CDH13: variants seen among roughly 807,000 people sequenced by gnomAD.
The protein encoded by CDH13 is cadherin 13.
Under a neutral mutation model 63.8 loss-of-function variants are expected in CDH13, and 24 were observed. The observed-to-expected ratio is 0.38, with a 90% CI of 0.27 to 0.53. CDH13 has a LOEUF of 0.53. Ranked by LOEUF, CDH13 falls within the 20% of genes least tolerant of loss-of-function variation. The probability of loss-of-function intolerance (pLI) is 0.85; values close to 1 mark genes in which losing one functional copy is unlikely to be tolerated. For synonymous variants in CDH13, 503 were observed against 355.3 expected, an observed-to-expected ratio of 1.42 and a Z score of -4.67; for missense variants, 1,049 against 903.1, an observed-to-expected ratio of 1.16 and a Z score of -2.07.
At chr16:83,627,484 T>C (rs1910417239) in intron 8 of CDH13, among the ~76,000 whole-genome samples, 1 of 152,226 alleles carries the variant, frequency 6.6e-6, no homozygotes, top group South Asian at 2.1e-4. Flanking sequence ...GACTTTTATC[T>C]TTCCTCATCT....
At chr16:82,721,408 G>A (rs2032761918) in intron 1 of CDH13, among the ~76,000 whole-genome samples, 1 of 152,164 alleles carries the variant, frequency 6.6e-6, no homozygotes, top group Non-Finnish European at 1.5e-5. Context: ...GGGACACGGA[G>A]GTTCAGAGGT....
chr16:82,902,975 G>A (rs1233476492), intron 2 of CDH13, among the ~76,000 whole-genome samples: 1 of 152,138 alleles, frequency 6.6e-6, no homozygotes, highest in African/African-American at 2.4e-5. Flanking sequence ...TGTCTTCATG[G>A]CTAGCAACTG....
chr16:83,252,145 T>C (rs930148440), intron 5 of CDH13, among the ~76,000 whole-genome samples: 2 of 144,648 alleles, frequency 1.4e-5, no homozygotes, highest in Non-Finnish European at 3.0e-5. Flanking sequence ...TATGTATATA[T>C]ATATATATCT....
intron 7 of CDH13, among the ~76,000 whole-genome samples, chr16:83,566,685 C>G (rs1335872960): frequency 6.6e-6 from 1 of 152,182 alleles, no homozygotes; most frequent in African/African-American, 2.4e-5. Context: ...TCAGGCAAAG[C>G]CCTGCTCTCC....
intron 2 of CDH13, among the ~76,000 whole-genome samples, chr16:82,931,513 CTT>C (rs11442675): frequency 1.6e-4 from 23 of 144,308 alleles, no homozygotes; most frequent in East Asian, 6.1e-4. Flanking sequence ...AGGTCCCCCC[CTT>C]TTTTTTTTTT....
At chr16:83,307,550 C>T (rs138535968) in intron 5 of CDH13, among the ~76,000 whole-genome samples, 1 of 152,298 alleles carries the variant, frequency 6.6e-6, no homozygotes, top group East Asian at 1.9e-4. Context: ...TCCTTCAGGG[C>T]CAGGAAAGCT....
At chr16:83,322,690 GA>G in intron 5 of CDH13, among the ~76,000 whole-genome samples, 1 of 152,112 alleles carries the variant, frequency 6.6e-6, no homozygotes, top group Non-Finnish European at 1.5e-5. Flanking sequence ...AAACCTGGCA[GA>G]AAAGGCAACA....
At chr16:82,733,635 A>G (rs1457259936) in intron 1 of CDH13, among the ~76,000 whole-genome samples, 1 of 152,174 alleles carries the variant, frequency 6.6e-6, no homozygotes, top group Non-Finnish European at 1.5e-5. Flanking sequence ...GTGAGGTTCT[A>G]TAGATGCTCA....
intron 2 of CDH13, among the ~76,000 whole-genome samples, chr16:82,869,070 G>A (rs549997678): frequency 6.6e-6 from 1 of 152,082 alleles, no homozygotes; most frequent in African/African-American, 2.4e-5. Flanking sequence ...TATTTGAGAT[G>A]GAGTCTCTCC....
rs375105227 is a variant in CDH13, at chr16:83,424,344, A to G, written c.782-62133A>G. 6.8e-4 allele frequency among the ~76,000 whole-genome samples: 104 copies of G among 152,376 alleles called. 2 individuals carry two copies. The East Asian group carries it at 0.014, about 20-fold the overall frequency. On this transcript the variant is annotated intron_variant, in intron 6 of 13. Coordinates refer to ENST00000567109, the MANE Select transcript of CDH13 (RefSeq NM_001257.5). ...GGACTGCTGTGCACCAGCCTACATC[A>G]TAGTCACGTGGTTAGCATTGGTTGC...
In CDH13 at chr16:82,722,622, AAG is replaced by A. The variant is rs2032848601; in HGVS notation, c.45+95487_45+95488del. On this transcript the variant is annotated intron_variant, in intron 1 of 13. Transcript: ENST00000567109. ...GTATGGAGAGTGAGGTGATTTCCCA[AAG>A]ACCCACTAGGACACTGGTATGTGGA... Among the ~76,000 whole-genome samples the A allele has an allele frequency of 5.9e-5, 9 of 152,282 alleles. No homozygotes were observed. In the South Asian group the frequency reaches 1.9e-3, roughly 32 times the overall value.
chr16:82,765,440 T>A (rs8060604), intron 1 of CDH13, among the ~76,000 whole-genome samples: 1 of 152,122 alleles, frequency 6.6e-6, no homozygotes, highest in Non-Finnish European at 1.5e-5. Context: ...TCCTTCTATT[T>A]TAACTGTCAA....
intron 1 of CDH13, among the ~76,000 whole-genome samples, chr16:82,818,843 T>G (rs539748276): frequency 1.5e-4 from 23 of 152,218 alleles, no homozygotes; most frequent in Non-Finnish European, 3.1e-4. Flanking sequence ...AGTCTGCTGT[T>G]AGTGGTGTCA....
intron 2 of CDH13, among the ~76,000 whole-genome samples, chr16:82,905,314 G>T (rs1359112969): frequency 6.6e-6 from 1 of 152,112 alleles, no homozygotes; most frequent in East Asian, 1.9e-4. Flanking sequence ...AATATAACAA[G>T]ATATTTATGA....
intron 1 of CDH13, among the ~76,000 whole-genome samples, chr16:82,629,338 C>T (rs1376714443): frequency 1.3e-5 from 2 of 152,182 alleles, no homozygotes; most frequent in African/African-American, 4.8e-5. Context: ...AATTGTTATG[C>T]ATATCAGAGC....
intron 4 of CDH13, among the ~76,000 whole-genome samples, chr16:83,156,372 A>G (rs2037206843): frequency 6.6e-6 from 1 of 152,006 alleles, no homozygotes; most frequent in Non-Finnish European, 1.5e-5. Context: ...GTATAAGCAA[A>G]GCATTTTCCT....
intron 4 of CDH13, among the ~76,000 whole-genome samples, chr16:83,146,066 C>T (rs1002753781): frequency 6.6e-6 from 1 of 151,958 alleles, no homozygotes; most frequent in Non-Finnish European, 1.5e-5. Context: ...ATGGTGGCAG[C>T]ACCTGTAATT....
At chr16:83,206,531 C>T (rs1223921390) in intron 4 of CDH13, among the ~76,000 whole-genome samples, 1 of 152,218 alleles carries the variant, frequency 6.6e-6, no homozygotes, top group Non-Finnish European at 1.5e-5. Flanking sequence ...CAGTTTTGTC[C>T]TTTTAGGAAA....
chr16:82,786,224 G>A (rs982036252), intron 1 of CDH13, among the ~76,000 whole-genome samples: 2 of 152,244 alleles, frequency 1.3e-5, no homozygotes, highest in East Asian at 3.9e-4. Flanking sequence ...TGCACATACT[G>A]ACATATTCTT....
Sources: allele counts gnomAD v4.1 joint callset (sites outside exome capture counted in the v4.1 genomes callset), GRCh38; gene constraint gnomAD v4.1.1; transcripts MANE v1.5; gene names NCBI Gene and HGNC (gene_info 2026-07-23, HGNC 2026-07-21).